Variants in DCAF6 observed in about 807,000 individuals in gnomAD.
DCAF6 encodes DDB1- and CUL4-associated factor 6.
A neutral mutation model predicts 125.1 loss-of-function variants in DCAF6; 54 were observed. The ratio of observed to expected loss-of-function variants is 0.43; its 90% CI spans 0.35 to 0.54. The LOEUF is 0.54. Ranked by LOEUF, DCAF6 falls within the 20% of genes least tolerant of loss-of-function variation. DCAF6 has a pLI of 0.01. For missense variants in DCAF6, 934 were observed against 1,161.7 expected, an observed-to-expected ratio of 0.80 and a Z score of 2.85; for synonymous variants, 371 against 390.4, an observed-to-expected ratio of 0.95 and a Z score of 0.58.
chr1:167,866,720 T>G, the DCAF6 span, among the ~76,000 whole-genome samples: 3 of 144,646 alleles, frequency 2.1e-5, no homozygotes, highest in East Asian at 4.1e-4. Context: ...CCTTAGACAG[T>G]CTAGTCCACA....
intron 2 of DCAF6, among the ~76,000 whole-genome samples, chr1:167,954,866 G>A (rs1176679154): frequency 1.3e-5 from 2 of 152,120 alleles, no homozygotes; most frequent in Non-Finnish European, 2.9e-5. Flanking sequence ...CCACATTCAT[G>A]ATGATAAAAT....
chr1:168,068,010 C>G (rs1203788279), intron 20 of DCAF6, among the ~76,000 whole-genome samples: 1 of 152,204 alleles, frequency 6.6e-6, no homozygotes, highest in Non-Finnish European at 1.5e-5. Flanking sequence ...CTAAAGTTAT[C>G]AGTTCTCCTA....
Position 168,033,564 on chromosome 1 carries a change from G to A in DCAF6, c.1610-4807G>A, listed in dbSNP as rs569953783. Among the ~76,000 whole-genome samples, 435 of 152,094 alleles carry A rather than the reference G, an allele frequency of 2.9e-3. 3 individuals are homozygous for A. The highest frequency in any genetic ancestry group is 9.8e-3 in the African/African-American group (408 of 41,512). On this transcript the variant is annotated intron_variant, in intron 12 of 21. Transcript: ENST00000367840. Reference sequence around the variant, plus strand: ...GATCTTCTGACCTCATGATCCACCCGCCTCGGCCTCCCAAAGTGCTGGGAT... The same window carrying A: ...GATCTTCTGACCTCATGATCCACCCACCTCGGCCTCCCAAAGTGCTGGGAT...
chr1:167,939,266 C>T (rs1056763765), intron 1 of DCAF6, among the ~76,000 whole-genome samples: 6 of 151,810 alleles, frequency 4.0e-5, no homozygotes, highest in Non-Finnish European at 8.8e-5. Context: ...AATGACTTTC[C>T]CTCCCAGTTT....
chr1:168,039,920 G>A (rs912344154), intron 13 of DCAF6, among the ~76,000 whole-genome samples: 3 of 151,504 alleles, frequency 2.0e-5, no homozygotes, highest in Non-Finnish European at 1.5e-5. Context: ...TCTATGTTCC[G>A]GGGACTATTC....
chr1:167,946,689 T>G (rs1673142848), intron 1 of DCAF6, among the ~76,000 whole-genome samples: 1 of 152,236 alleles, frequency 6.6e-6, no homozygotes, highest in Admixed American at 6.5e-5. Flanking sequence ...TTTGCATATG[T>G]TGACCTATCC....
At chr1:167,975,355 A>G (rs879646902) in intron 4 of DCAF6, among the ~76,000 whole-genome samples, 5 of 152,326 alleles carry the variant, frequency 3.3e-5, no homozygotes, top group Admixed American at 2.6e-4. Flanking sequence ...CTTTTAAACA[A>G]TCGCTTGCTT....
intron 10 of DCAF6, among the ~76,000 whole-genome samples, chr1:168,014,278 T>C (rs923421120): frequency 6.6e-6 from 1 of 152,224 alleles, no homozygotes; most frequent in Non-Finnish European, 1.5e-5. Context: ...AGTATCTCTT[T>C]TAGTATACTA....
At chr1:167,953,752 C>T (rs1036439661) in intron 2 of DCAF6, among the ~76,000 whole-genome samples, 3 of 152,138 alleles carry the variant, frequency 2.0e-5, no homozygotes, top group Admixed American at 1.3e-4. Context: ...GCACCCACCA[C>T]CACACCTGGC....
At position 167,972,835 on chromosome 1, in the gene DCAF6, C is replaced by T. The variant is rs534476281; in HGVS notation, c.253-1995C>T. Among the ~76,000 whole-genome samples, 19 of 152,188 alleles carry T rather than the reference C, an allele frequency of 1.2e-4. No homozygotes were observed. The South Asian group carries it at 3.3e-3, about 27-fold the overall frequency. On this transcript the variant is annotated intron_variant, in intron 3 of 21. Coordinates refer to ENST00000367840, the MANE Select transcript of DCAF6 (RefSeq NM_001198956.2). Reference sequence around the variant, plus strand: ...AAATCTAGAGATTTGTTCAAAGGAACGGGCCCCCAATTTTTTACTCACTAA... The same window carrying T: ...AAATCTAGAGATTTGTTCAAAGGAATGGGCCCCCAATTTTTTACTCACTAA...
intron 1 of DCAF6, among the ~76,000 whole-genome samples, chr1:167,947,291 A>AT (rs994484880): frequency 2.9e-5 from 4 of 137,762 alleles, no homozygotes; most frequent in African/African-American, 5.3e-5. Context: ...TGGTTTATCA[A>AT]TTTTTTTTAT....
At chr1:167,863,693 C>T in the DCAF6 span, among the ~76,000 whole-genome samples, 32 of 152,226 alleles carry the variant, frequency 2.1e-4, no homozygotes, top group South Asian at 4.1e-4. Context: ...CAGAGTGACG[C>T]GGATCCTGAG....
At chr1:168,059,436 G>A (rs11803859) in intron 17 of DCAF6, among the ~76,000 whole-genome samples, 9,508 of 152,150 alleles carry the variant, frequency 0.062, 430 homozygotes, top group East Asian at 0.21. Flanking sequence ...AATCTTAATG[G>A]CGGCTAAGGC....
At chr1:168,026,520 G>A (rs375888056) in intron 12 of DCAF6, among the ~76,000 whole-genome samples, 47 of 152,242 alleles carry the variant, frequency 3.1e-4, no homozygotes, top group African/African-American at 1.1e-3. Flanking sequence ...GGCAATAGTG[G>A]TGAGAAGTGG....
At chr1:167,977,220 T>G (rs952674821) in intron 4 of DCAF6, among the ~76,000 whole-genome samples, 18 of 151,498 alleles carry the variant, frequency 1.2e-4, no homozygotes, top group African/African-American at 4.4e-4. Flanking sequence ...TTTTTTTTTT[T>G]TTTTTTACAT....
chr1:168,016,052 A>G, intron 11 of DCAF6, 101 bp downstream of exon 11: 14 of 1,071,188 alleles, frequency 1.3e-5, no homozygotes, highest in Non-Finnish European at 1.6e-5. Context: ...AAAGAGAGCT[A>G]ATGCGCTTGC....
At chr1:167,915,731 A>G in the DCAF6 span, among the ~76,000 whole-genome samples, 1 of 152,092 alleles carries the variant, frequency 6.6e-6, no homozygotes, top group African/African-American at 2.4e-5. Flanking sequence ...GATTTCAGGC[A>G]TGCACCACCG....
chr1:167,931,634 C>T (rs1670913905), upstream of DCAF6, among the ~76,000 whole-genome samples: 2 of 151,944 alleles, frequency 1.3e-5, no homozygotes, highest in Non-Finnish European at 2.9e-5. Flanking sequence ...TAAGTTCTAA[C>T]AGAGATGCTA....
chr1:168,075,610 T>C lies in DCAF6; in HGVS notation c.*175T>C. 3.6e-6 allele frequency: 2 copies of C among 556,788 alleles called. No homozygotes were observed. The highest frequency in any genetic ancestry group is 3.3e-5 in the South Asian group (1 of 30,062). The allele number at this position is 556,788 out of a possible 1,614,324, so 34.5% of individuals were successfully genotyped here. A position where few individuals can be genotyped will look rare whatever the true frequency, so the allele number is the denominator to read the frequency against. On this transcript the variant is annotated 3_prime_UTR_variant, in exon 22 of 22. Transcript: ENST00000367840. ...TGATTGTGTGCATGAATTTGGGAGA[T>C]TGTATAAAACAAAACTAGCAGAATG...
Sources: allele counts gnomAD v4.1 joint callset (sites outside exome capture counted in the v4.1 genomes callset), GRCh38; gene constraint gnomAD v4.1.1; transcripts MANE v1.5; gene names NCBI Gene and HGNC (gene_info 2026-07-23, HGNC 2026-07-21).